PLXDC2: variants seen among roughly 807,000 people sequenced by gnomAD.
PLXDC2 encodes the protein plexin domain-containing protein 2.
In PLXDC2, 40 loss-of-function variants were observed where a neutral mutation model predicts 68.9. The ratio of observed to expected loss-of-function variants is 0.58; its 90% CI spans 0.45 to 0.76. PLXDC2 has a LOEUF of 0.76. Among genes scored for constraint, PLXDC2 ranks in the 30% least tolerant of loss-of-function variants. PLXDC2 has a pLI of 0.00. For missense variants in PLXDC2, 644 were observed against 661.9 expected, an observed-to-expected ratio of 0.97 and a Z score of 0.30; for synonymous variants, 243 against 234.2, an observed-to-expected ratio of 1.04 and a Z score of -0.34.
chr10:20,201,165 G>T (rs1236358745), intron 9 of PLXDC2, among the ~76,000 whole-genome samples: 1 of 152,058 alleles, frequency 6.6e-6, no homozygotes, highest in East Asian at 1.9e-4. Context: ...AGAAAATGTA[G>T]TGTATATATA....
At chr10:20,089,007 C>CATCT (rs1374639273) in intron 4 of PLXDC2, among the ~76,000 whole-genome samples, 1 of 152,186 alleles carries the variant, frequency 6.6e-6, no homozygotes, top group African/African-American at 2.4e-5. Flanking sequence ...CTCATTCCAG[C>CATCT]ATCTGTCTTC....
intron 2 of PLXDC2, among the ~76,000 whole-genome samples, chr10:20,015,689 A>T (rs1835198467): frequency 6.6e-6 from 1 of 151,940 alleles, no homozygotes; most frequent in Admixed American, 6.6e-5. Flanking sequence ...ATAATCGATT[A>T]AAAAAACACA....
chr10:20,110,630 T>C (rs907630155), intron 4 of PLXDC2, among the ~76,000 whole-genome samples: 1 of 152,158 alleles, frequency 6.6e-6, no homozygotes, highest in African/African-American at 2.4e-5. Flanking sequence ...GGCTCGGCTC[T>C]GAACGCCGGT....
intron 7 of PLXDC2, among the ~76,000 whole-genome samples, chr10:20,164,954 C>T (rs2131815421): frequency 6.6e-6 from 1 of 152,118 alleles, no homozygotes; most frequent in East Asian, 1.9e-4. Context: ...TAGCTGGGAC[C>T]ACGGGCATGC....
At chr10:20,245,580 T>C in intron 13 of PLXDC2, 75 bp downstream of exon 13, 1 of 1,456,084 alleles carries the variant, frequency 6.9e-7, no homozygotes, top group Non-Finnish European at 9.3e-7. Flanking sequence ...CACCTGGATT[T>C]AATATTTACC....
chr10:20,199,949 T>A (rs964068905), intron 9 of PLXDC2, among the ~76,000 whole-genome samples: 3 of 151,886 alleles, frequency 2.0e-5, no homozygotes, highest in African/African-American at 7.2e-5. Context: ...TATTCCAAAA[T>A]AAATTTAAAA....
chr10:19,971,423 G>A (rs11593914), intron 1 of PLXDC2, among the ~76,000 whole-genome samples: 7,928 of 152,192 alleles, frequency 0.052, 266 homozygotes, highest in Middle Eastern at 0.092. Context: ...GCTAGTTATT[G>A]TTTCCCCTTA....
intron 4 of PLXDC2, among the ~76,000 whole-genome samples, chr10:20,091,010 G>A (rs1400947203): frequency 6.6e-6 from 1 of 152,122 alleles, no homozygotes; most frequent in African/African-American, 2.4e-5. Flanking sequence ...TGCTATCTAT[G>A]TTGCACACAG....
intron 1 of PLXDC2, among the ~76,000 whole-genome samples, chr10:19,982,705 A>G (rs953179609): frequency 1.3e-5 from 2 of 152,172 alleles, no homozygotes; most frequent in African/African-American, 2.4e-5. Flanking sequence ...TCTAGTAAAC[A>G]TGCCTTTATA....
intron 12 of PLXDC2, among the ~76,000 whole-genome samples, chr10:20,232,420 C>G (rs1322992613): frequency 6.6e-6 from 1 of 151,904 alleles, no homozygotes; most frequent in African/African-American, 2.4e-5. Flanking sequence ...ACACACAAAA[C>G]TTGTAAGAGA....
At chr10:19,894,183 C>T (rs1421737372) in intron 1 of PLXDC2, among the ~76,000 whole-genome samples, 1 of 152,098 alleles carries the variant, frequency 6.6e-6, no homozygotes, top group Non-Finnish European at 1.5e-5. Context: ...GAAATTTCTG[C>T]AGTGTCCCTG....
chr10:20,169,365 T>C (rs769586613), intron 7 of PLXDC2, among the ~76,000 whole-genome samples: 2 of 152,236 alleles, frequency 1.3e-5, no homozygotes, highest in Admixed American at 6.5e-5. Flanking sequence ...TGGTATTTCA[T>C]TGTTGTCTTT....
chr10:20,278,629 T>TC (rs397800573), intron 13 of PLXDC2, among the ~76,000 whole-genome samples: 1 of 151,722 alleles, frequency 6.6e-6, no homozygotes. Context: ...CATTTTTTTT[T>TC]ACACAATATA....
intron 12 of PLXDC2, among the ~76,000 whole-genome samples, chr10:20,232,012 A>AC (rs1011061664): frequency 6.6e-6 from 1 of 152,010 alleles, no homozygotes; most frequent in African/African-American, 2.4e-5. Context: ...TCTCAAAAAA[A>AC]AAAAAATTAA....
chr10:20,195,036 C>T (rs1834819267), intron 9 of PLXDC2, among the ~76,000 whole-genome samples: 1 of 152,000 alleles, frequency 6.6e-6, no homozygotes, highest in African/African-American at 2.4e-5. Flanking sequence ...ATAATCATAA[C>T]AAGCCTAGAT....
Position 20,055,667 on chromosome 10 carries a change from C to T in PLXDC2, c.471+8652C>T, listed in dbSNP as rs528633536. Among the ~76,000 whole-genome samples, 52 of 152,134 alleles carry T rather than the reference C, an allele frequency of 3.4e-4. 1 individual carries two copies. The South Asian group carries it at 9.7e-3, about 29-fold the overall frequency. On this transcript the variant is annotated intron_variant, in intron 3 of 13. Coordinates refer to ENST00000377252, the MANE Select transcript of PLXDC2 (RefSeq NM_032812.9). Reference sequence around the variant, plus strand: ...ACACAAGTTTATCAACCTGGTCTTACTTGTCTTTGCTTGTAGGATTTTCCT... The same window carrying T: ...ACACAAGTTTATCAACCTGGTCTTATTTGTCTTTGCTTGTAGGATTTTCCT...
intron 4 of PLXDC2, among the ~76,000 whole-genome samples, chr10:20,102,361 G>C (rs12251018): frequency 6.6e-6 from 1 of 151,762 alleles, no homozygotes; most frequent in African/African-American, 2.4e-5. Flanking sequence ...TCTGTCTGAG[G>C]GTAAAAAGAA....
At chr10:19,887,477 G>A (rs1474846240) in intron 1 of PLXDC2, among the ~76,000 whole-genome samples, 1 of 152,178 alleles carries the variant, frequency 6.6e-6, no homozygotes. Flanking sequence ...AGCTGAGATC[G>A]CGCCACTGCT....
At chr10:19,982,744 C>G (rs1471633049) in intron 1 of PLXDC2, among the ~76,000 whole-genome samples, 2 of 151,890 alleles carry the variant, frequency 1.3e-5, no homozygotes, top group Non-Finnish European at 2.9e-5. Context: ...CTGTAAAAAT[C>G]AGCTTATTTA....
Sources: gnomAD v4.1 joint callset for allele counts (sites outside exome capture counted in the v4.1 genomes callset) on GRCh38, gnomAD v4.1.1 for gene constraint, MANE v1.5 for transcripts, NCBI Gene and HGNC (gene_info 2026-07-23, HGNC 2026-07-21) for gene names.